The following CSGALNACT1 variants were observed in gnomAD, a reference collection of about 807,000 sequenced individuals.
CSGALNACT1 encodes the protein beta4GalNAcT-1.
In CSGALNACT1, 52 loss-of-function variants were observed where a neutral mutation model predicts 51.0. The ratio of observed to expected loss-of-function variants is 1.02; its 90% CI spans 0.82 to 1.29. The LOEUF is 1.29. Ranked by LOEUF, CSGALNACT1 falls within the 50% of genes most tolerant of loss-of-function variation. The pLI is 0.00. For synonymous variants in CSGALNACT1, 341 were observed against 254.4 expected (o/e 1.34, Z -3.24); for missense variants, 935 against 679.2 (o/e 1.38, Z -4.19).
intron 1 of CSGALNACT1, among the ~76,000 whole-genome samples, chr8:19,648,778 C>T (rs1165535414): frequency 6.6e-6 from 1 of 152,178 alleles, no homozygotes; most frequent in Non-Finnish European, 1.5e-5. Flanking sequence ...TGCACTCCAG[C>T]CTGCGTGACA....
At chr8:19,535,667 T>C (rs749288031) in intron 3 of CSGALNACT1, among the ~76,000 whole-genome samples, 10 of 152,264 alleles carry the variant, frequency 6.6e-5, no homozygotes, top group African/African-American at 2.4e-4. Flanking sequence ...AGATGATGAA[T>C]TGAACCCATC....
chr8:19,417,349 C>T (rs2153689889), intron 8 of CSGALNACT1, among the ~76,000 whole-genome samples: 1 of 152,232 alleles, frequency 6.6e-6, no homozygotes, highest in Middle Eastern at 3.4e-3. Flanking sequence ...ATGACATTGT[C>T]CAACCTGAGG....
At position 19,428,197 on chromosome 8, in the gene CSGALNACT1, C is replaced by T. The variant is rs939229497; in HGVS notation, c.954-7679G>A. On this transcript the variant is annotated intron_variant, in intron 6 of 9. Coordinates refer to ENST00000454498, the Ensembl canonical transcript of CSGALNACT1. ...ATCCCTCCGTTTCCCACACAATACC[C>T]GAATGTACACCAGCATCGGAGTCTG... is the stretch of plus-strand genomic sequence containing the variant. Among the ~76,000 whole-genome samples the T allele has an allele frequency of 3.9e-5, 6 of 152,264 alleles. No individual in the cohort carries two copies. The East Asian group carries it at 7.7e-4, about 20-fold the overall frequency.
chr8:19,411,899 C>T (rs1007106176), intron 8 of CSGALNACT1, among the ~76,000 whole-genome samples: 4 of 150,360 alleles, frequency 2.7e-5, no homozygotes, highest in African/African-American at 7.4e-5. Flanking sequence ...GGTGTGACCT[C>T]GGCTCACTGC....
At chr8:19,539,280 A>C (rs2084515106) in intron 3 of CSGALNACT1, among the ~76,000 whole-genome samples, 2 of 152,194 alleles carry the variant, frequency 1.3e-5, no homozygotes. Flanking sequence ...TTAGATATCC[A>C]AATTTGCTCA....
At chr8:19,689,509 T>C (rs2061169372) in intron 1 of CSGALNACT1, among the ~76,000 whole-genome samples, 1 of 152,198 alleles carries the variant, frequency 6.6e-6, no homozygotes, top group African/African-American at 2.4e-5. Flanking sequence ...TGAGCCACTG[T>C]TTTGAAGAGG....
At chr8:19,512,574 T>C (rs2078668784) in intron 3 of CSGALNACT1, among the ~76,000 whole-genome samples, 1 of 152,244 alleles carries the variant, frequency 6.6e-6, no homozygotes, top group Non-Finnish European at 1.5e-5. Flanking sequence ...AATGTTTTAA[T>C]ATGTCTTACC....
intron 4 of CSGALNACT1, among the ~76,000 whole-genome samples, chr8:19,499,164 A>G (rs1308596284): frequency 6.6e-6 from 1 of 152,120 alleles, no homozygotes; most frequent in Non-Finnish European, 1.5e-5. Flanking sequence ...AAAAATCCCC[A>G]AATCCTCTGA....
At chr8:19,458,560 G>A (rs1563507779) in exon 5 of CSGALNACT1, 2 of 1,614,130 alleles carry the variant, frequency 1.2e-6, no homozygotes, top group South Asian at 2.2e-5. Flanking sequence ...GAAATAAGAT[G>A]AGCCGTTTGA....
At chr8:19,614,458 A>G (rs1172663481) in intron 1 of CSGALNACT1, among the ~76,000 whole-genome samples, 2 of 152,140 alleles carry the variant, frequency 1.3e-5, no homozygotes, top group African/African-American at 4.8e-5. Flanking sequence ...TCAGTTTTCT[A>G]GTTTTCCTGT....
chr8:19,587,772 G>A lies in CSGALNACT1; in HGVS notation c.-297+3388C>T, dbSNP rs540764431. ...GCCTGGAATGCCACAGTTATCAAAGGGGAAGGCTTTCTTCTTCTTGTTTCT... is the reference window on the plus strand; with the variant it reads ...GCCTGGAATGCCACAGTTATCAAAGAGGAAGGCTTTCTTCTTCTTGTTTCT... On this transcript the variant is annotated intron_variant, in intron 3 of 9. Coordinates refer to ENST00000454498, the Ensembl canonical transcript of CSGALNACT1. 4 of 152,236 alleles carry A rather than the reference G, an allele frequency of 2.6e-5. No homozygotes were observed. The East Asian group carries it at 7.7e-4, about 29-fold the overall frequency. 9.4% of individuals were successfully genotyped at this position (152,236 alleles called of 1,614,324 possible).
chr8:19,632,634 G>A lies in CSGALNACT1; in HGVS notation c.-543-30769C>T, dbSNP rs2055434643. Among the ~76,000 whole-genome samples the A allele has an allele frequency of 2.0e-5, 3 of 152,138 alleles. No homozygotes were observed. The South Asian group carries it at 6.2e-4, about 31-fold the overall frequency. ...TCCCTGTATTTCATATGGCAACATC[G>A]AACATAAGAAACTTCAAGTAAAACA... On this transcript the variant is annotated intron_variant, in intron 1 of 9. Coordinates refer to the CSGALNACT1 transcript ENST00000332246.
intron 4 of CSGALNACT1, among the ~76,000 whole-genome samples, chr8:19,460,139 C>A (rs187210194): frequency 1.8e-3 from 277 of 152,172 alleles, no homozygotes; most frequent in African/African-American, 6.2e-3. Flanking sequence ...AAGGTAAAAC[C>A]CAACAAATCA....
At position 19,733,773 on chromosome 8, in the gene CSGALNACT1, C is replaced by T. The variant is rs28640976; in HGVS notation, c.-297+24077G>A. Among the ~76,000 whole-genome samples the T allele has an allele frequency of 4.3e-3, 659 of 152,258 alleles. 7 individuals carry two copies. Among genetic ancestry groups the T allele is most frequent in the African/African-American group, 0.015 (625 of 41,536 alleles). On this transcript the variant is annotated intron_variant, in intron 1 of 1. Coordinates refer to the CSGALNACT1 transcript ENST00000517494. ...GTGAGAATTCTACATTTTGCTTCTG[C>T]TCATATGAGTTTTATTTGTTGTCAT...
chr8:19,596,533 G>A (rs1588873139), intron 2 of CSGALNACT1, among the ~76,000 whole-genome samples: 2 of 151,610 alleles, frequency 1.3e-5, no homozygotes, highest in Non-Finnish European at 2.9e-5. Flanking sequence ...AGAAAAACAA[G>A]TGAGAAAGAG....
At chr8:19,549,319 T>C (rs1282413922) in intron 3 of CSGALNACT1, among the ~76,000 whole-genome samples, 1 of 152,172 alleles carries the variant, frequency 6.6e-6, no homozygotes, top group Non-Finnish European at 1.5e-5. Flanking sequence ...CTAAGCCCAA[T>C]GATGCACTGT....
intron 1 of CSGALNACT1, among the ~76,000 whole-genome samples, chr8:19,680,498 G>T (rs1036773258): frequency 2.1e-5 from 3 of 144,358 alleles, no homozygotes; most frequent in African/African-American, 7.5e-5. Context: ...GGAGGTTGCA[G>T]TCAGCAGAGA....
chr8:19,751,743 T>C (rs1345837971), intron 1 of CSGALNACT1, among the ~76,000 whole-genome samples: 2 of 152,096 alleles, frequency 1.3e-5, no homozygotes, highest in Non-Finnish European at 2.9e-5. Context: ...TGAGATCTGG[T>C]TGTTTGCAAG....
intron 6 of CSGALNACT1, among the ~76,000 whole-genome samples, chr8:19,437,138 A>G (rs777520194): frequency 3.9e-5 from 6 of 152,114 alleles, no homozygotes; most frequent in Non-Finnish European, 8.8e-5. Context: ...CAAGTGCCAG[A>G]TTTAGAGGTG....
Sources: allele counts gnomAD v4.1 joint callset (sites outside exome capture counted in the v4.1 genomes callset), GRCh38; gene constraint gnomAD v4.1.1; transcripts MANE v1.5; gene names NCBI Gene and HGNC (gene_info 2026-07-23, HGNC 2026-07-21).